Variants in VPS41 observed in about 807,000 individuals in gnomAD.
VPS41 encodes the protein VPS41 subunit of HOPS complex, also known as vacuolar protein sorting-associated protein 41 homolog.
Under a neutral mutation model 130.9 loss-of-function variants are expected in VPS41, and 85 were observed. The ratio of observed to expected loss-of-function variants is 0.65; its 90% CI spans 0.55 to 0.78. The LOEUF (loss-of-function observed/expected upper bound fraction) is 0.78. Among genes scored for constraint, VPS41 ranks in the 30% least tolerant of loss-of-function variants. The pLI, the probability that VPS41 is intolerant of heterozygous loss-of-function variation, is 0.00. For missense variants in VPS41, 874 were observed against 1,018.7 expected (o/e 0.86, Z 1.93); for synonymous variants, 335 against 332.9 (o/e 1.01, Z -0.07).
At chr7:38,885,653 G>A (rs1786709937) in intron 2 of VPS41, among the ~76,000 whole-genome samples, 1 of 152,126 alleles carries the variant, frequency 6.6e-6, no homozygotes, top group Admixed American at 6.5e-5. Context: ...AGCATAACAT[G>A]AGGCATATAG....
chr7:38,783,982 G>T (rs373066851), intron 10 of VPS41, among the ~76,000 whole-genome samples: 5 of 151,840 alleles, frequency 3.3e-5, no homozygotes, highest in Admixed American at 3.3e-4. Context: ...CAATCTCCTC[G>T]GAATCATTCA....
At chr7:38,890,363 T>C (rs1240682281) in intron 2 of VPS41, among the ~76,000 whole-genome samples, 1 of 152,218 alleles carries the variant, frequency 6.6e-6, no homozygotes, top group Non-Finnish European at 1.5e-5. Context: ...AGATTAGTAG[T>C]TGCCAGGAGT....
rs1271671735 is a variant in VPS41, at chr7:38,728,501, A to C, written c.2404+41T>G. The C allele has an allele frequency of 1.6e-5, 25 of 1,611,694 alleles. 1 individual carries two copies. The highest frequency in any genetic ancestry group is 2.0e-5 in the Non-Finnish European group (23 of 1,177,878). On this transcript the variant is annotated intron_variant, in intron 27 of 28. Transcript: ENST00000310301. Reference sequence around the variant, plus strand: ...CAAAATTTTGATTCCACTCATCATTAAAATACATGTTTGGGATTTTTTTGG... The same window carrying C: ...CAAAATTTTGATTCCACTCATCATTCAAATACATGTTTGGGATTTTTTTGG...
intron 25 of VPS41, among the ~76,000 whole-genome samples, chr7:38,730,859 G>C (rs1472712493): frequency 6.6e-6 from 1 of 152,238 alleles, no homozygotes; most frequent in Admixed American, 6.5e-5. Context: ...TAAGAGAAAG[G>C]CAGGGCCAGC....
intron 7 of VPS41, among the ~76,000 whole-genome samples, chr7:38,808,700 C>T (rs977796626): frequency 1.3e-5 from 2 of 152,052 alleles, no homozygotes; most frequent in Admixed American, 6.6e-5. Flanking sequence ...TGAAAACTTG[C>T]GGAAATACTA....
chr7:38,745,807 C>A, intron 22 of VPS41, 194 bp from the exon 23 acceptor site: 1 of 546,884 alleles, frequency 1.8e-6, no homozygotes, highest in South Asian at 2.3e-5. Context: ...GGACTCTACA[C>A]AATTCAATTT....
chr7:38,726,416 G>GCAC, intron 28 of VPS41, 90 bp from the exon 29 acceptor site: 1 of 975,630 alleles, frequency 1.0e-6, no homozygotes, highest in Non-Finnish European at 1.6e-6. Flanking sequence ...GTTAGTCAGG[G>GCAC]GGTGGAGAGG....
At chr7:38,850,588 T>C (rs11982916) in intron 4 of VPS41, among the ~76,000 whole-genome samples, 2,352 of 152,276 alleles carry the variant, frequency 0.015, 69 homozygotes, top group African/African-American at 0.053. Flanking sequence ...AAGCAAATCG[T>C]AGTATTTCAT....
chr7:38,754,741 T>C lies in VPS41; in HGVS notation c.1749A>G (p.Val583=), dbSNP rs1783754899. Residue 583 remains valine, a synonymous_variant, in exon 21 of 29, where the codon GTA becomes GTG. Transcript: ENST00000310301. ...DNEDKISIKK[V]VEELEDRPEL... is the part of the protein sequence containing the mutation. ...CTGGTCTGTCTTCCAATTCTTCCACTACCTTTTTAATCTAGATAAAAAAGA... is the reference window on the plus strand; with the variant it reads ...CTGGTCTGTCTTCCAATTCTTCCACCACCTTTTTAATCTAGATAAAAAAGA... 9 of 1,613,264 alleles carry C rather than the reference T, an allele frequency of 5.6e-6. No homozygotes were observed. The highest frequency in any genetic ancestry group is 1.3e-5 in the African/African-American group (1 of 74,900).
chr7:38,803,388 A>T (rs1784772819), intron 7 of VPS41, among the ~76,000 whole-genome samples: 1 of 152,216 alleles, frequency 6.6e-6, no homozygotes, highest in Non-Finnish European at 1.5e-5. Flanking sequence ...GAGGCAGACA[A>T]GAAAGTGGGC....
At chr7:38,906,798 G>A (rs926965388) in intron 1 of VPS41, among the ~76,000 whole-genome samples, 4 of 152,132 alleles carry the variant, frequency 2.6e-5, no homozygotes, top group African/African-American at 9.7e-5. Context: ...AAACTATTTA[G>A]ATTTAGGTTC....
Position 38,862,530 on chromosome 7 carries a change from A to C in VPS41, c.246+15T>G, listed in dbSNP as rs2116310804. ...TGAAGTTTAGCTCATACATTATTTT[A>C]TACAGAATACTTACTACATCAAACT... On this transcript the variant is annotated intron_variant, in intron 4 of 28. Transcript: ENST00000310301. 6.6e-7 allele frequency: 1 copy of C among 1,506,210 alleles called. No homozygotes were observed. The highest frequency in any genetic ancestry group is 2.3e-5 in the East Asian group (1 of 44,086). The allele number at this position is 1,506,210 out of a possible 1,614,324, so 93.3% of individuals were successfully genotyped here.
chr7:38,863,926 A>G (rs1032832108), intron 3 of VPS41, among the ~76,000 whole-genome samples: 10 of 152,208 alleles, frequency 6.6e-5, no homozygotes, highest in African/African-American at 2.4e-4. Context: ...CCAAACAGGA[A>G]TGTTTCCTCC....
At chr7:38,778,152 G>A (rs751681809) in intron 10 of VPS41, among the ~76,000 whole-genome samples, 16 of 152,100 alleles carry the variant, frequency 1.1e-4, no homozygotes, top group Non-Finnish European at 1.6e-4. Flanking sequence ...CCATACAATG[G>A]AAGTCCAAGG....
At chr7:38,814,282 G>A (rs182834083) in intron 7 of VPS41, among the ~76,000 whole-genome samples, 54 of 152,306 alleles carry the variant, frequency 3.5e-4, no homozygotes, top group Non-Finnish European at 6.8e-4. Flanking sequence ...CAGAATTAAT[G>A]TGGCAAACTT....
chr7:38,875,239 T>C (rs946627437), intron 2 of VPS41, among the ~76,000 whole-genome samples: 5 of 152,164 alleles, frequency 3.3e-5, no homozygotes, highest in African/African-American at 9.7e-5. Flanking sequence ...GATATTCACA[T>C]TTATTTGAAA....
Position 38,762,621 on chromosome 7 carries a change from G to A in VPS41, c.1422+834C>T, listed in dbSNP as rs927602689. Among the ~76,000 whole-genome samples the A allele has an allele frequency of 4.6e-5, 7 of 152,126 alleles. No homozygotes were observed. In the South Asian group the frequency reaches 1.4e-3, roughly 31 times the overall value. ...AATCTGACCTTCAGTGCTCTGTTTAGCAACACAAAATGTCTCTCCACATAA... is the reference window on the plus strand; with the variant it reads ...AATCTGACCTTCAGTGCTCTGTTTAACAACACAAAATGTCTCTCCACATAA... On this transcript the variant is annotated intron_variant, in intron 17 of 28. Transcript: ENST00000310301.
chr7:38,786,165 A>G (rs1562586120), intron 10 of VPS41, among the ~76,000 whole-genome samples: 1 of 152,334 alleles, frequency 6.6e-6, no homozygotes, highest in East Asian at 1.9e-4. Context: ...TGACACCATG[A>G]TTACAAGCAA....
chr7:38,885,742 T>C (rs1352425701), intron 2 of VPS41, among the ~76,000 whole-genome samples: 2 of 152,202 alleles, frequency 1.3e-5, no homozygotes, highest in African/African-American at 2.4e-5. Context: ...GAATCCAGTG[T>C]TGGAAATATC....
Sources: gnomAD v4.1 joint callset for allele counts (sites outside exome capture counted in the v4.1 genomes callset) on GRCh38, gnomAD v4.1.1 for gene constraint, MANE v1.5 for transcripts, NCBI Gene and HGNC (gene_info 2026-07-23, HGNC 2026-07-21) for gene names.